Variants in CCSER1 observed in about 807,000 individuals in gnomAD.
CCSER1 encodes coiled-coil serine rich protein 1.
A neutral mutation model predicts 82.0 loss-of-function variants in CCSER1; 41 were observed. The ratio of observed to expected loss-of-function variants is 0.50; its 90% confidence interval spans 0.39 to 0.65. CCSER1 has a LOEUF of 0.65. Ranked by LOEUF, CCSER1 falls within the 30% of genes least tolerant of loss-of-function variation. The pLI is 0.00. For synonymous variants in CCSER1, 414 were observed against 383.9 expected, an observed-to-expected ratio of 1.08 and a Z score of -0.92; for missense variants, 1,119 against 1,064.2, an observed-to-expected ratio of 1.05 and a Z score of -0.72.
chr4:91,537,313 T>G (rs1216475264), intron 10 of CCSER1, among the ~76,000 whole-genome samples: 2 of 152,058 alleles, frequency 1.3e-5, no homozygotes, highest in Non-Finnish European at 2.9e-5. Context: ...CCATACGGTG[T>G]TGTATAGTAC....
At chr4:91,170,315 C>A (rs1732618659) in intron 10 of CCSER1, among the ~76,000 whole-genome samples, 1 of 152,160 alleles carries the variant, frequency 6.6e-6, no homozygotes, top group African/African-American at 2.4e-5. Flanking sequence ...ATACTTATAA[C>A]AGATGCATGA....
At chr4:91,053,792 A>G (rs929100758) in intron 9 of CCSER1, among the ~76,000 whole-genome samples, 1 of 152,150 alleles carries the variant, frequency 6.6e-6, no homozygotes, top group Admixed American at 6.6e-5. Context: ...TGTTCACTTA[A>G]TAGTGTATCT....
At position 91,242,311 on chromosome 4, in the gene CCSER1, A is replaced by G. The variant is rs561819744; in HGVS notation, c.2217+156317A>G. 3.3e-5 allele frequency among the ~76,000 whole-genome samples: 5 copies of G among 152,318 alleles called. 1 individual carries two copies. The highest frequency in any genetic ancestry group is 1.2e-4 in the African/African-American group (5 of 41,574). The stretch of plus-strand genomic sequence containing the variant: ...CATGGAGAGGTAGGAAATCCCATTC[A>G]TGGAGAATGCACTGTACCTGTTGTA... On this transcript the variant is annotated intron_variant, in intron 10 of 10. Coordinates refer to ENST00000509176, the MANE Select transcript of CCSER1 (RefSeq NM_001145065.2).
intron 1 of CCSER1, among the ~76,000 whole-genome samples, chr4:90,303,631 A>G (rs1190169972): frequency 6.6e-6 from 1 of 151,792 alleles, no homozygotes; most frequent in Non-Finnish European, 1.5e-5. Flanking sequence ...CCTTCCTTAC[A>G]CCTTATACAA....
At chr4:91,233,286 T>C (rs933241149) in intron 10 of CCSER1, among the ~76,000 whole-genome samples, 4 of 151,930 alleles carry the variant, frequency 2.6e-5, no homozygotes, top group Admixed American at 1.3e-4. Flanking sequence ...AAAAAATCAT[T>C]TTATTTTAAT....
chr4:90,286,386 T>G (rs1322617806), intron 1 of CCSER1, among the ~76,000 whole-genome samples: 1 of 152,066 alleles, frequency 6.6e-6, no homozygotes, highest in Non-Finnish European at 1.5e-5. Flanking sequence ...AGACTATGAT[T>G]TCACATAAGG....
chr4:91,431,061 C>G (rs1214068527), intron 10 of CCSER1, among the ~76,000 whole-genome samples: 3 of 152,092 alleles, frequency 2.0e-5, no homozygotes, highest in Non-Finnish European at 4.4e-5. Context: ...ACGGTGAAAC[C>G]CCGTCTCTAC....
intron 10 of CCSER1, among the ~76,000 whole-genome samples, chr4:91,304,457 C>T (rs1328455212): frequency 6.6e-6 from 1 of 152,006 alleles, no homozygotes; most frequent in African/African-American, 2.4e-5. Flanking sequence ...ATATGCATGT[C>T]TATAGTCTGT....
intron 3 of CCSER1, among the ~76,000 whole-genome samples, chr4:90,373,935 G>A (rs1747885263): frequency 6.6e-6 from 1 of 152,120 alleles, no homozygotes; most frequent in African/African-American, 2.4e-5. Flanking sequence ...CATTCCCCTG[G>A]GGGAGCTAGG....
At chr4:91,263,159 G>GA (rs894283593) in intron 10 of CCSER1, among the ~76,000 whole-genome samples, 3 of 151,946 alleles carry the variant, frequency 2.0e-5, no homozygotes, top group Non-Finnish European at 2.9e-5. Context: ...GCATATCCTA[G>GA]AAAAAAGCAA....
intron 10 of CCSER1, among the ~76,000 whole-genome samples, chr4:91,230,868 G>A (rs75360586): frequency 0.026 from 3,948 of 151,546 alleles, 173 homozygotes; most frequent in African/African-American, 0.091. Flanking sequence ...ATTAGGTTTC[G>A]AATAAAACAC....
chr4:90,592,278 G>T (rs1279494688), intron 5 of CCSER1, among the ~76,000 whole-genome samples: 1 of 152,108 alleles, frequency 6.6e-6, no homozygotes, highest in East Asian at 1.9e-4. Flanking sequence ...CTAATTGCAG[G>T]CATTAGAATA....
intron 9 of CCSER1, among the ~76,000 whole-genome samples, chr4:91,058,237 G>T (rs770777497): frequency 2.0e-5 from 3 of 151,582 alleles, no homozygotes; most frequent in Non-Finnish European, 4.4e-5. Context: ...TCATCATTTG[G>T]CTCCCTAAAG....
At chr4:90,407,740 A>C (rs1340121378) in intron 4 of CCSER1, among the ~76,000 whole-genome samples, 1 of 152,096 alleles carries the variant, frequency 6.6e-6, no homozygotes, top group Non-Finnish European at 1.5e-5. Flanking sequence ...CTGCATTTCC[A>C]ACTGAGGTAC....
chr4:90,260,232 G>A (rs111559972), intron 1 of CCSER1, among the ~76,000 whole-genome samples: 7,883 of 152,124 alleles, frequency 0.052, 543 homozygotes, highest in African/African-American at 0.16. Flanking sequence ...TTTCCTCTGG[G>A]TTTTCTAGTT....
intron 8 of CCSER1, among the ~76,000 whole-genome samples, chr4:90,902,586 G>C (rs945128511): frequency 1.5e-4 from 23 of 151,850 alleles, no homozygotes; most frequent in African/African-American, 5.3e-4. Flanking sequence ...TCCTTATTTG[G>C]GGCTAGCTTC....
At chr4:91,328,419 G>A (rs1223589910) in intron 10 of CCSER1, among the ~76,000 whole-genome samples, 1 of 152,128 alleles carries the variant, frequency 6.6e-6, no homozygotes. Flanking sequence ...ACCAGACCTT[G>A]TGAAAACTCA....
At chr4:90,545,315 C>G (rs6855755) in intron 5 of CCSER1, among the ~76,000 whole-genome samples, 71,955 of 151,894 alleles carry the variant, frequency 0.47, 21,564 homozygotes, top group African/African-American at 0.86. Context: ...AGATTACCTG[C>G]AAGCAAGCAA....
chr4:90,802,639 G>T (rs532823255), intron 7 of CCSER1, among the ~76,000 whole-genome samples: 12 of 152,062 alleles, frequency 7.9e-5, no homozygotes, highest in Admixed American at 5.2e-4. Context: ...AAACAAAATT[G>T]TGGTTTTCTT....
Sources: gnomAD v4.1 joint callset for allele counts (sites outside exome capture counted in the v4.1 genomes callset) on GRCh38, gnomAD v4.1.1 for gene constraint, MANE v1.5 for transcripts, NCBI Gene and HGNC (gene_info 2026-07-23, HGNC 2026-07-21) for gene names.